Variants in SLC27A5 observed in about 807,000 individuals in gnomAD.
The protein encoded by SLC27A5 is long-chain fatty acid transport protein 5.
SLC27A5 carries 47 observed loss-of-function variants against 63.1 expected under a neutral mutation model. The ratio of observed to expected loss-of-function variants is 0.74; its 90% CI spans 0.59 to 0.95. The LOEUF (loss-of-function observed/expected upper bound fraction) is 0.95. Among genes scored for constraint, SLC27A5 ranks in the 40% least tolerant of loss-of-function variants. The pLI is 0.00. For missense variants in SLC27A5, 940 were observed against 921.0 expected, an observed-to-expected ratio of 1.02 and a Z score of -0.27; for synonymous variants, 391 against 403.8, an observed-to-expected ratio of 0.97 and a Z score of 0.38.
chr19:58,507,992 T>C (rs1313156428), intron 3 of SLC27A5: 1 of 152,266 alleles, frequency 6.6e-6, no homozygotes, highest in Non-Finnish European at 1.5e-5. Flanking sequence ...TTATCAGTTC[T>C]GCTTTTGCCC....
At chr19:58,506,033 A>G (rs1174785399) in intron 3 of SLC27A5, among the ~76,000 whole-genome samples, 2 of 150,368 alleles carry the variant, frequency 1.3e-5, no homozygotes, top group Non-Finnish European at 3.0e-5. Context: ...AGCCTGTAAT[A>G]ACAGCTACTA....
rs2053407780 is a variant in SLC27A5 at position 58,511,306 on chromosome 19, AC to A, written c.649del (p.Val217CysfsTer2). The A allele has an allele frequency of 6.3e-7, 1 of 1,581,328 alleles. No homozygotes were observed. The highest frequency in any genetic ancestry group is 1.3e-5 in the African/African-American group (1 of 74,390). On this transcript the variant is annotated frameshift_variant, in exon 1 of 10. Coordinates refer to ENST00000263093, the MANE Select transcript of SLC27A5 (RefSeq NM_012254.3). LOFTEE classifies it high-confidence loss of function. ...CAGCACCCGGGCCCCAGAGCTCAGC[AC>A]AGAGTGCGCCAGGGGCATCCCCCGG... ...HGRGMPLAHSVLSSGARVLVV... is the reference protein window; with the variant it reads ...HGRGMPLAHSXLSSGARVLVV...
At chr19:58,501,203 A>G (rs1158342608) in intron 4 of SLC27A5, 83 bp downstream of exon 4, 44 of 1,529,578 alleles carry the variant, frequency 2.9e-5, no homozygotes, top group Admixed American at 3.9e-5. Context: ...ACTTGAGTTC[A>G]GTACCTGAAT....
At position 58,510,560 on chromosome 19, in the gene SLC27A5, C is replaced by G. The variant is rs1185210140; in HGVS notation, c.898+161G>C. The G allele has an allele frequency of 9.1e-6, 6 of 656,716 alleles. No homozygotes were observed. The East Asian group carries it at 1.4e-4, about 16-fold the overall frequency. The allele number at this position is 656,716 out of a possible 1,614,324, so 40.7% of individuals were successfully genotyped here. A position where few individuals can be genotyped will look rare whatever the true frequency, so the allele number is the denominator to read the frequency against. On this transcript the variant is annotated intron_variant, in intron 2 of 9. Coordinates refer to ENST00000263093, the MANE Select transcript of SLC27A5 (RefSeq NM_012254.3). ...CTGCAGTCCAGCCTAGGCGACAGAGCGAGACTCTGCCTCGAAAAAAAAAAC... is the reference window on the plus strand; with the variant it reads ...CTGCAGTCCAGCCTAGGCGACAGAGGGAGACTCTGCCTCGAAAAAAAAAAC...
Position 58,498,840 on chromosome 19 carries a change from T to C in SLC27A5, c.1841A>G (p.Gln614Arg), listed in dbSNP as rs202054471. 1.3e-4 allele frequency: 203 copies of C among 1,613,918 alleles called. No homozygotes were observed. The highest frequency in any genetic ancestry group is 1.6e-4 in the Non-Finnish European group (189 of 1,180,032). ...GQTFDGEKLY[Q>R]HVRAWLPAYA... The stretch of plus-strand genomic sequence containing the variant: ...GGCAGGGAGCCAAGCGCGAACGTGC[T>C]GGTACAACTTCTCCCCGTCGAAAGT... Residue 614 changes from glutamine (Q) to arginine (R), a missense_variant, in exon 9 of 10, where the codon CAG becomes CGG. Physicochemically the swap from Gln to Arg is conservative, Grantham distance 43. Coordinates refer to ENST00000263093, the MANE Select transcript of SLC27A5 (RefSeq NM_012254.3).
chr19:58,507,078 G>C (rs2053355919), intron 3 of SLC27A5, among the ~76,000 whole-genome samples: 1 of 151,482 alleles, frequency 6.6e-6, no homozygotes. Flanking sequence ...GAAAAATTTG[G>C]CCGGGCGCGG....
rs2053235797 is a variant in SLC27A5 at position 58,498,621 on chromosome 19, C to A, written c.1967G>T (p.Gly656Val). 1 of 1,613,966 alleles carries A rather than the reference C, an allele frequency of 6.2e-7. No homozygotes were observed. The highest frequency in any genetic ancestry group is 1.1e-5 in the South Asian group (1 of 91,084). The change falls in exon 10 of 10, where the codon GGG becomes GTG. Residue 656 changes from glycine to valine, a missense_variant. Physicochemically the swap from Gly to Val is moderately radical, Grantham distance 109. Transcript: ENST00000263093. Reference sequence around the variant, plus strand: ...TACAAACAGAGGGTCAACCACGATCCCCACATTGAAGCCCTCACGCACCAA... The same window carrying A: ...TACAAACAGAGGGTCAACCACGATCACCACATTGAAGCCCTCACGCACCAA... ...TRLVREGFNV[G>V]IVVDPLFVLD...
intron 3 of SLC27A5, among the ~76,000 whole-genome samples, chr19:58,506,615 C>T (rs1399016947): frequency 2.0e-5 from 3 of 150,128 alleles, no homozygotes; most frequent in East Asian, 1.9e-4. Context: ...TGATGCTGGG[C>T]GAAGATACAT....
At chr19:58,507,362 G>A (rs527423948) in intron 3 of SLC27A5, 13 of 152,442 alleles carry the variant, frequency 8.5e-5, no homozygotes, top group African/African-American at 3.1e-4. Flanking sequence ...AAATTGTGAA[G>A]ATAACATGGA....
In SLC27A5 at chr19:58,499,697, T is replaced by G. The variant is rs1600027369; in HGVS notation, c.1469-7A>C. ...AGCAGCAGCCCCGGCTCCCCTGGGG[T>G]AGGAGCAGGAACAAGAACCCCTGGA... On this transcript the variant is annotated splice_polypyrimidine_tract_variant and splice_region_variant and intron_variant, in intron 6 of 9. Transcript: ENST00000263093. The G allele has an allele frequency of 6.2e-7, 1 of 1,610,050 alleles. No individual in the cohort carries two copies. The highest frequency in any genetic ancestry group is 8.5e-7 in the Non-Finnish European group (1 of 1,179,778).
At chr19:58,505,099 T>C (rs1371955451) in intron 3 of SLC27A5, among the ~76,000 whole-genome samples, 4 of 15,030 alleles carry the variant, frequency 2.7e-4, no homozygotes, top group Non-Finnish European at 3.3e-4. Flanking sequence ...CTATTTTCAC[T>C]TTTTTTTTTT....
At position 58,511,496 on chromosome 19, in the gene SLC27A5, G is replaced by C. The variant is rs1369018901; in HGVS notation, c.460C>G (p.Gln154Glu). 1 of 1,571,912 alleles carries C rather than the reference G, an allele frequency of 6.4e-7. No individual in the cohort carries two copies. Among genetic ancestry groups the C allele is most frequent in the Non-Finnish European group, 8.6e-7 (1 of 1,158,714 alleles). ...TCAGCCTTCAGGGCCCATGCCGCCT[G>C]GCAGGCCCGGGCATCCAGCTCACCA... is the stretch of plus-strand genomic sequence containing the variant. ...TFGELDARACQAAWALKAELG... is the reference protein window; with the variant it reads ...TFGELDARACEAAWALKAELG... The change falls in exon 1 of 10, where the codon CAG becomes GAG. Residue 154 changes from glutamine (Q) to glutamate (E), a missense_variant. Transcript: ENST00000263093.
Position 58,498,801 on chromosome 19 carries a change from T to TG in SLC27A5, c.1879dup (p.His627ProfsTer25). On this transcript the variant is annotated frameshift_variant, in exon 9 of 10. Transcript: ENST00000263093. LOFTEE classifies it low-confidence loss of function (END_TRUNC). ...TGGGCTCACCTGGATGCGGATGAAA[T>TG]GGGGGGTAGCGTAGGCAGGGAGCCA... The TG allele has an allele frequency of 4.3e-6, 7 of 1,613,828 alleles. No homozygotes were observed. Among genetic ancestry groups the TG allele is most frequent in the Non-Finnish European group, 5.9e-6 (7 of 1,179,918 alleles).
intron 3 of SLC27A5, among the ~76,000 whole-genome samples, chr19:58,502,120 T>A (rs1568628396): frequency 6.6e-6 from 1 of 152,134 alleles, no homozygotes; most frequent in East Asian, 1.9e-4. Flanking sequence ...GGATGGACAG[T>A]TAGAGTAGTG....
chr19:58,500,903 C>T (rs2053267103), intron 4 of SLC27A5, 197 bp from the exon 5 acceptor site: 1 of 1,408,040 alleles, frequency 7.1e-7, no homozygotes, highest in African/African-American at 1.4e-5. Context: ...GGGTTACCTG[C>T]AGGGGCGACC....
chr19:58,501,946 G>C (rs958952593), intron 3 of SLC27A5, among the ~76,000 whole-genome samples: 7 of 152,240 alleles, frequency 4.6e-5, no homozygotes, highest in African/African-American at 1.7e-4. Flanking sequence ...CCAAAGTGCT[G>C]TGATTACAGG....
intron 3 of SLC27A5, chr19:58,509,550 C>T (rs2053386536): frequency 3.4e-6 from 1 of 296,040 alleles, no homozygotes; most frequent in South Asian, 7.7e-5. Context: ...GGGGCCATGT[C>T]ACAAATCTGG....
chr19:58,511,842 C>T lies in SLC27A5; in HGVS notation c.114G>A (p.Gly38=), dbSNP rs749242969. The change falls in exon 1 of 10, where the codon GGG becomes GGA. Residue 38 remains glycine, a synonymous_variant. Coordinates refer to ENST00000263093, the MANE Select transcript of SLC27A5 (RefSeq NM_012254.3). The part of the protein sequence containing the change: ...AVALTLRWLL[G]DPTCCVLLGL... The stretch of plus-strand genomic sequence containing the variant: ...CAAGTAGCACGCAACATGTGGGATC[C>T]CCCAGGAGCCAGCGCAGGGTCAAGG... 1 of 1,558,936 alleles carries T rather than the reference C, an allele frequency of 6.4e-7. No individual in the cohort carries two copies. The highest frequency in any genetic ancestry group is 8.7e-7 in the Non-Finnish European group (1 of 1,151,844).
At position 58,500,671 on chromosome 19, in the gene SLC27A5, T is replaced by C. The variant is rs375186040; in HGVS notation, c.1218A>G (p.Ala406=). ...CATCAGCCCGTAGTCCATTGCCCATTGCCAGGCGGACTGTATGTGTCCGGT... is the reference window on the plus strand; with the variant it reads ...CATCAGCCCGTAGTCCATTGCCCATCGCCAGGCGGACTGTATGTGTCCGGT... ...PEDRTHTVRL[A]MGNGLRADVW... The change falls in exon 5 of 10, where the codon GCA becomes GCG. Residue 406 remains alanine, a synonymous_variant. Coordinates refer to ENST00000263093, the MANE Select transcript of SLC27A5 (RefSeq NM_012254.3). 3 of 1,613,994 alleles carry C rather than the reference T, an allele frequency of 1.9e-6. No homozygotes were observed. In the African/African-American group the frequency reaches 4.0e-5, roughly 22 times the overall value.
Sources: gnomAD v4.1 joint callset for allele counts (sites outside exome capture counted in the v4.1 genomes callset) on GRCh38, gnomAD v4.1.1 for gene constraint, MANE v1.5 for transcripts, NCBI Gene and HGNC (gene_info 2026-07-23, HGNC 2026-07-21) for gene names.